Variants in FHIT observed in about 807,000 individuals in gnomAD.
FHIT encodes fragile histidine triad diadenosine triphosphatase.
A neutral mutation model predicts 17.9 loss-of-function variants in FHIT; 19 were observed. That is an observed-to-expected ratio of 1.06 (90% CI 0.74 to 1.56). FHIT has a LOEUF of 1.56. Ranked by LOEUF, FHIT falls within the 40% of genes most tolerant of loss-of-function variation. The pLI is 0.00. For synonymous variants in FHIT, 81 were observed against 69.7 expected, an observed-to-expected ratio of 1.16 and a Z score of -0.81; for missense variants, 248 against 189.2, an observed-to-expected ratio of 1.31 and a Z score of -1.82.
At chr3:60,851,694 TA>T (rs1476938513) in intron 3 of FHIT, among the ~76,000 whole-genome samples, 1 of 152,152 alleles carries the variant, frequency 6.6e-6, no homozygotes, top group African/African-American at 2.4e-5. Flanking sequence ...CACAGAACTT[TA>T]TCATGTCACA....
chr3:60,249,689 G>GAC (rs59885844), intron 5 of FHIT, among the ~76,000 whole-genome samples: 2,544 of 137,264 alleles, frequency 0.019, 50 homozygotes, highest in African/African-American at 0.027. Flanking sequence ...ATACAGCCAA[G>GAC]ACACACACAC....
intron 3 of FHIT, among the ~76,000 whole-genome samples, chr3:61,023,023 T>C (rs902683891): frequency 3.9e-5 from 6 of 152,154 alleles, no homozygotes; most frequent in Non-Finnish European, 7.4e-5. Context: ...AAATAAAGCA[T>C]ATTCAAATAG....
At position 60,173,915 on chromosome 3, in the gene FHIT, A is replaced by ATATATATTTTTTTT; in HGVS notation, c.104-159764_104-159763insAAAAAAAATATATA. On this transcript the variant is annotated intron_variant, in intron 5 of 9. Transcript: ENST00000492590. ...TATATATATATATATATATATATAT[A>ATATATATTTTTTTT]TGTTTTTTTTTTTTTTTGAGATCGA... Among the ~76,000 whole-genome samples the ATATATATTTTTTTT allele has an allele frequency of 6.5e-4, 43 of 66,416 alleles. 1 individual carries two copies. Among genetic ancestry groups the ATATATATTTTTTTT allele is most frequent in the East Asian group, 1.6e-3 (2 of 1,256 alleles). 43.6% of individuals were successfully genotyped at this position (66,416 alleles called of 152,430 possible). A position where few individuals can be genotyped will look rare whatever the true frequency, so the allele number is the denominator to read the frequency against.
At chr3:60,376,988 C>T (rs966135710) in intron 5 of FHIT, among the ~76,000 whole-genome samples, 5 of 152,154 alleles carry the variant, frequency 3.3e-5, no homozygotes, top group Non-Finnish European at 7.4e-5. Context: ...ATTTATCTCT[C>T]TCTCCATATG....
At chr3:60,366,468 G>A (rs935102403) in intron 5 of FHIT, among the ~76,000 whole-genome samples, 18 of 152,146 alleles carry the variant, frequency 1.2e-4, no homozygotes, top group African/African-American at 4.3e-4. Context: ...CCCTTGCTAT[G>A]TTTTGAATAT....
intron 3 of FHIT, among the ~76,000 whole-genome samples, chr3:60,986,029 T>C (rs1710707507): frequency 6.6e-6 from 1 of 152,224 alleles, no homozygotes; most frequent in African/African-American, 2.4e-5. Context: ...CTCCCCCTTA[T>C]AACGACCCTT....
chr3:60,580,895 T>C (rs1576918686), intron 4 of FHIT, among the ~76,000 whole-genome samples: 2 of 152,226 alleles, frequency 1.3e-5, no homozygotes, highest in East Asian at 3.9e-4. Context: ...AATTTTGTCC[T>C]GTACTTGGCA....
intron 5 of FHIT, among the ~76,000 whole-genome samples, chr3:60,480,312 G>T (rs1413088949): frequency 6.6e-6 from 1 of 152,162 alleles, no homozygotes; most frequent in East Asian, 1.9e-4. Context: ...TACAATTCAA[G>T]AGGAGATTTG....
chr3:60,053,682 C>G lies in FHIT; in HGVS notation c.104-39530G>C, dbSNP rs57439204. Among the ~76,000 whole-genome samples the G allele has an allele frequency of 5.1e-4, 78 of 151,816 alleles. 2 individuals carry two copies. The East Asian group carries it at 0.012, about 23-fold the overall frequency. On this transcript the variant is annotated intron_variant, in intron 5 of 9. Coordinates refer to ENST00000492590, the MANE Select transcript of FHIT (RefSeq NM_002012.4). ...ATCATTTGAAGACATCCCCCACCCCCGCTTTTTTGCTTTCCTGCAAGTCAT... is the reference window on the plus strand; with the variant it reads ...ATCATTTGAAGACATCCCCCACCCCGGCTTTTTTGCTTTCCTGCAAGTCAT...
rs577860552 is a variant in FHIT, at chr3:59,945,008, G to A, written c.280-22594C>T. On this transcript the variant is annotated intron_variant, in intron 7 of 9. Transcript: ENST00000492590. ...AATATGTCTATGTATGTGTCTTTATGGTAGGATGATTTATTTTCCTTTGTG... is the reference window on the plus strand; with the variant it reads ...AATATGTCTATGTATGTGTCTTTATAGTAGGATGATTTATTTTCCTTTGTG... Among the ~76,000 whole-genome samples, 112 of 152,190 alleles carry A rather than the reference G, an allele frequency of 7.4e-4. 1 individual carries two copies. The South Asian group carries it at 0.022, about 30-fold the overall frequency.
At chr3:60,510,069 T>C (rs899803672) in intron 5 of FHIT, among the ~76,000 whole-genome samples, 1 of 152,142 alleles carries the variant, frequency 6.6e-6, no homozygotes, top group African/African-American at 2.4e-5. Flanking sequence ...TTTATTTTTG[T>C]CTCTGGAAAA....
intron 5 of FHIT, among the ~76,000 whole-genome samples, chr3:60,396,800 C>T (rs537750297): frequency 6.6e-6 from 1 of 152,248 alleles, no homozygotes; most frequent in African/African-American, 2.4e-5. Flanking sequence ...ATGTGAATTA[C>T]ATCTCAATAA....
chr3:61,055,938 T>G (rs1456718038), intron 2 of FHIT, among the ~76,000 whole-genome samples: 2 of 152,150 alleles, frequency 1.3e-5, no homozygotes, highest in Admixed American at 6.6e-5. Flanking sequence ...CAGGGTACGG[T>G]CTCCATCATC....
chr3:61,144,578 G>A (rs1462441929), intron 2 of FHIT, among the ~76,000 whole-genome samples: 3 of 152,154 alleles, frequency 2.0e-5, no homozygotes, highest in African/African-American at 7.2e-5. Flanking sequence ...GAATTGCTGG[G>A]TTATATGGTA....
chr3:59,790,375 C>A (rs939627578), intron 8 of FHIT, among the ~76,000 whole-genome samples: 7 of 152,152 alleles, frequency 4.6e-5, no homozygotes, highest in Non-Finnish European at 1.0e-4. Flanking sequence ...GCAAATTAAC[C>A]ATTTGGACAG....
intron 8 of FHIT, among the ~76,000 whole-genome samples, chr3:59,783,757 T>C (rs1702711698): frequency 6.6e-6 from 1 of 152,040 alleles, no homozygotes; most frequent in Non-Finnish European, 1.5e-5. Context: ...TTGCCAAATA[T>C]CCTCTGGGGG....
At position 59,872,275 on chromosome 3, in the gene FHIT, C is replaced by T. The variant is rs142317897; in HGVS notation, c.348+50071G>A. On this transcript the variant is annotated intron_variant, in intron 8 of 9. Transcript: ENST00000492590. ...CATGATTAGCAGATAAAAGGTGCTGCCCTGGGCTCAGGCAATTACAGGAAG... is the reference window on the plus strand; with the variant it reads ...CATGATTAGCAGATAAAAGGTGCTGTCCTGGGCTCAGGCAATTACAGGAAG... Among the ~76,000 whole-genome samples, 24 of 152,244 alleles carry T rather than the reference C, an allele frequency of 1.6e-4. No homozygotes were observed. In the East Asian group the frequency reaches 4.1e-3, roughly 26 times the overall value.
intron 5 of FHIT, among the ~76,000 whole-genome samples, chr3:60,242,942 G>C (rs1705208375): frequency 6.6e-6 from 1 of 151,836 alleles, no homozygotes; most frequent in Non-Finnish European, 1.5e-5. Flanking sequence ...GTAGATGTTA[G>C]TCTAATCTCC....
intron 5 of FHIT, among the ~76,000 whole-genome samples, chr3:60,029,880 T>TGTGTGTGTGTGC (rs2106778339): frequency 2.1e-5 from 1 of 48,246 alleles, no homozygotes; most frequent in East Asian, 1.0e-3. Context: ...ATAGAAGCAT[T>TGTGTGTGTGTGC]GTGTGTGTGT....
Sources: gnomAD v4.1 joint callset for allele counts (sites outside exome capture counted in the v4.1 genomes callset) on GRCh38, gnomAD v4.1.1 for gene constraint, MANE v1.5 for transcripts, NCBI Gene and HGNC (gene_info 2026-07-23, HGNC 2026-07-21) for gene names.